Variants in CDKN2B-AS1 observed in about 807,000 individuals in gnomAD.
CDKN2B-AS1 encodes the protein CDKN2B and CDKN2A antisense cis and trans regulatory RNA 1, also known as CDKN2B antisense RNA 1 (non-protein coding).
At chr9:22,098,169 G>GTGTGTGTGTGTGTGTGTATTTATA (rs1825351049) in intron 4 of CDKN2B-AS1, among the ~76,000 whole-genome samples, 6 of 151,606 alleles carry the variant, frequency 4.0e-5, no homozygotes, top group Admixed American at 3.9e-4. Context: ...GTGTGTGTGT[G>GTGTGTGTGTGTGTGTGTATTTATA]TGTGTGTGTG....
intron 4 of CDKN2B-AS1, among the ~76,000 whole-genome samples, chr9:22,072,268 A>AT (rs1392652617): frequency 2.0e-5 from 3 of 152,238 alleles, no homozygotes; most frequent in East Asian, 1.9e-4. Flanking sequence ...CTTTTAGATA[A>AT]TTTTTTTATA....
chr9:22,047,403 A>G (rs1823151691), intron 2 of CDKN2B-AS1, among the ~76,000 whole-genome samples: 1 of 152,156 alleles, frequency 6.6e-6, no homozygotes, highest in Non-Finnish European at 1.5e-5. Context: ...TCTGTGATTT[A>G]ATTTCAACCT....
intron 4 of CDKN2B-AS1, among the ~76,000 whole-genome samples, chr9:22,087,296 GA>G (rs1308873930): frequency 1.3e-5 from 2 of 152,180 alleles, no homozygotes; most frequent in Admixed American, 6.5e-5. Context: ...TGGTGCTATG[GA>G]AGCCATCTTC....
Position 21,999,307 on chromosome 9 carries a change from A to G in CDKN2B-AS1, n.29+4146A>G, listed in dbSNP as rs1283425509. Among the ~76,000 whole-genome samples, 2 of 151,512 alleles carry G rather than the reference A, an allele frequency of 1.3e-5. No individual in the cohort carries two copies. Among genetic ancestry groups the G allele is most frequent in the African/African-American group, 4.8e-5 (2 of 41,318 alleles). ...GGAAATATATATACACATATATACT[A>G]TATAGTATATATAGTTCATATGTAT... On this transcript the variant is annotated intron_variant and non_coding_transcript_variant, in intron 1 of 4. Transcript: ENST00000650946. This position sits in a 1 kb window ranked among gnomAD's most constrained non-coding sequence, Gnocchi z 4.7.
At chr9:22,125,083 C>A (rs947506523) in intron 4 of CDKN2B-AS1, among the ~76,000 whole-genome samples, 4 of 152,252 alleles carry the variant, frequency 2.6e-5, no homozygotes, top group African/African-American at 9.6e-5. Context: ...ATGCTCACAT[C>A]ATTTTAAGAT....
At chr9:22,029,628 G>A in intron 1 of CDKN2B-AS1, 1 of 595,626 alleles carries the variant, frequency 1.7e-6, no homozygotes, top group Non-Finnish European at 3.1e-6. Context: ...CATCTTTCAG[G>A]TCTGTGTGAT....
chr9:22,014,841 T>C (rs1821671102), intron 1 of CDKN2B-AS1, among the ~76,000 whole-genome samples: 1 of 147,260 alleles, frequency 6.8e-6, no homozygotes, highest in South Asian at 2.2e-4. Context: ...TTCCCATCTA[T>C]GAGTGAGAAC....
rs72654253 is a variant in CDKN2B-AS1 at position 22,114,738 on chromosome 9, A to T, written n.439-12365A>T. Among the ~76,000 whole-genome samples the T allele has an allele frequency of 6.0e-3, 917 of 152,358 alleles. 3 individuals carry two copies. The highest frequency in any genetic ancestry group is 0.01 in the Non-Finnish European group (702 of 68,040). On this transcript the variant is annotated intron_variant and non_coding_transcript_variant, in intron 4 of 4. Transcript: ENST00000650946. ...AATTTCAGAGGCAGCGGCTAAGACC[A>T]TCAGTCTATTATTTTCCTTGCAATA...
chr9:22,037,118 G>C (rs1822720248), intron 1 of CDKN2B-AS1, among the ~76,000 whole-genome samples: 1 of 152,012 alleles, frequency 6.6e-6, no homozygotes, highest in Non-Finnish European at 1.5e-5. Flanking sequence ...ATTCTACTCT[G>C]GGTTCTATTA....
chr9:22,051,509 T>G (rs1823345246), intron 3 of CDKN2B-AS1, among the ~76,000 whole-genome samples: 1 of 152,208 alleles, frequency 6.6e-6, no homozygotes, highest in African/African-American at 2.4e-5. Flanking sequence ...AGGACTTGCT[T>G]AAAATCTTTG....
chr9:22,031,636 A>AG (rs1172771129), intron 1 of CDKN2B-AS1, among the ~76,000 whole-genome samples: 1 of 152,210 alleles, frequency 6.6e-6, no homozygotes, highest in Non-Finnish European at 1.5e-5. Context: ...ATGAAAAAAA[A>AG]TAAAAGATGA....
intron 3 of CDKN2B-AS1, among the ~76,000 whole-genome samples, chr9:22,055,225 T>C (rs1241572788): frequency 2.6e-5 from 4 of 152,226 alleles, no homozygotes; most frequent in Admixed American, 2.6e-4. Context: ...AATGGTTAAA[T>C]CAAACTAAGA....
intron 1 of CDKN2B-AS1, chr9:22,009,032 C>G: frequency 6.3e-7 from 1 of 1,594,818 alleles, no homozygotes; most frequent in Non-Finnish European, 8.6e-7. Context: ...CCTTCTTTCC[C>G]ACGCTGCTCC....
At chr9:22,098,694 C>T (rs1358535924) in intron 4 of CDKN2B-AS1, among the ~76,000 whole-genome samples, 1 of 152,122 alleles carries the variant, frequency 6.6e-6, no homozygotes, top group Non-Finnish European at 1.5e-5. Flanking sequence ...GGTTTATGTT[C>T]TTAGATGAGG....
chr9:22,096,140 T>A (rs1173949389), intron 4 of CDKN2B-AS1, among the ~76,000 whole-genome samples: 4 of 152,164 alleles, frequency 2.6e-5, no homozygotes, highest in Admixed American at 2.6e-4. Context: ...AGGCAAACAA[T>A]ACAGTGCATC....
chr9:22,042,377 C>T (rs972599726), intron 1 of CDKN2B-AS1, among the ~76,000 whole-genome samples: 2 of 152,066 alleles, frequency 1.3e-5, no homozygotes, highest in Non-Finnish European at 2.9e-5. Flanking sequence ...AAAAATATTA[C>T]AATTCACAGA....
intron 2 of CDKN2B-AS1, among the ~76,000 whole-genome samples, chr9:22,047,797 T>C (rs940132132): frequency 4.0e-5 from 6 of 151,422 alleles, no homozygotes; most frequent in Non-Finnish European, 8.8e-5. Context: ...TTCTTTCTTT[T>C]TTTTTTTTAG....
At chr9:22,002,748 C>G (rs1436320559) in intron 1 of CDKN2B-AS1, among the ~76,000 whole-genome samples, 1 of 151,970 alleles carries the variant, frequency 6.6e-6, no homozygotes, top group African/African-American at 2.4e-5. Context: ...GAGCTCTCCT[C>G]TTGAAACTGT....
At position 22,006,341 on chromosome 9, in the gene CDKN2B-AS1, C is replaced by T; in HGVS notation, n.29+11180C>T. 6.5e-7 allele frequency: 1 copy of T among 1,540,004 alleles called. No individual in the cohort carries two copies. The highest frequency in any genetic ancestry group is 1.4e-5 in the African/African-American group (1 of 73,586). ...GCAGGTGGAGCCATTTAAAGAAACA[C>T]CTAATTGCAAAGTTTTCACCCAGTG... On this transcript the variant is annotated intron_variant and non_coding_transcript_variant, in intron 1 of 4. Transcript: ENST00000650946. This position sits in a 1 kb window ranked among gnomAD's most constrained non-coding sequence, Gnocchi z 6.4.
Sources: gnomAD v4.1 joint callset for allele counts (sites outside exome capture counted in the v4.1 genomes callset) on GRCh38, gnomAD v4.1.1 for gene constraint, Gnocchi (gnomAD v3.1) non-coding constraint, MANE v1.5 for transcripts, NCBI Gene and HGNC (gene_info 2026-07-23, HGNC 2026-07-21) for gene names.